BAHCC1: variants seen among roughly 807,000 people sequenced by gnomAD.
BAHCC1 encodes the protein BAH domain and coiled-coil containing 1, also known as BAH and coiled-coil domain-containing protein 1.
BAHCC1 carries 43 observed loss-of-function variants against 88.2 expected under a neutral mutation model. The ratio of observed to expected loss-of-function variants is 0.49; its 90% CI spans 0.38 to 0.63. The LOEUF is 0.63. Ranked by LOEUF, BAHCC1 falls within the 20% of genes least tolerant of loss-of-function variation. BAHCC1 has a pLI of 0.00. For missense variants in BAHCC1, 3,023 were observed against 1,654.8 expected (o/e 1.83, Z -14.34); for synonymous variants, 1,510 against 745.5 (o/e 2.03, Z -16.71).
In BAHCC1 at chr17:81,447,512, G is replaced by A. The variant is rs782392409; in HGVS notation, c.3640G>A (p.Glu1214Lys). 1.3e-6 allele frequency: 1 copy of A among 749,584 alleles called. No homozygotes were observed. Among genetic ancestry groups the A allele is most frequent in the Non-Finnish European group, 2.5e-6 (1 of 403,270 alleles). 46.4% of individuals were successfully genotyped at this position (749,584 alleles called of 1,614,324 possible). A position where few individuals can be genotyped will look rare whatever the true frequency, so the allele number is the denominator to read the frequency against. Residue 1214 changes from glutamate to lysine, a missense_variant, in exon 11 of 28, where the codon GAG (glutamate) becomes AAG (lysine). Transcript: ENST00000675386. Reference protein sequence around the residue: ...EQRAGSPGALEDEGEQPAPEE... With the variant: ...EQRAGSPGALKDEGEQPAPEE... ...GCGAGCAGGGAGTCCGGGTGCCCTT[G>A]AGGACGAGGGGGAGCAGCCGGCCCC...
rs782340923 is a variant in BAHCC1, at chr17:81,461,159, G to A, written c.6496G>A (p.Ala2166Thr). ...DSFSSLASSY[A>T]PFVGGTGPGL... ...CTTCAGCAGCCTGGCCAGCTCCTAC[G>A]CGCCCTTCGTCGGGGGGACCGGGCC... Residue 2166 changes from alanine (A) to threonine (T), a missense_variant, in exon 26 of 28, where the codon GCG becomes ACG. Transcript: ENST00000675386. The A allele has an allele frequency of 9.6e-5, 73 of 758,370 alleles. No individual in the cohort carries two copies. Among genetic ancestry groups the A allele is most frequent in the South Asian group, 6.0e-4 (44 of 72,956 alleles). 47.0% of individuals were successfully genotyped at this position (758,370 alleles called of 1,614,324 possible).
intron 2 of BAHCC1, chr17:81,401,236 C>G (rs1555645994): frequency 1.3e-5 from 2 of 152,642 alleles, no homozygotes; most frequent in African/African-American, 2.4e-5. Flanking sequence ...TAACGGGCTT[C>G]CAGCATTTGC....
chr17:81,466,116 C>T lies in BAHCC1; in HGVS notation c.*2299C>T, dbSNP rs1555660754. 6.6e-6 allele frequency: 1 copy of T among 152,498 alleles called. No homozygotes were observed. Among genetic ancestry groups the T allele is most frequent in the Non-Finnish European group, 1.5e-5 (1 of 68,044 alleles). 9.4% of individuals were successfully genotyped at this position (152,498 alleles called of 1,614,324 possible). On this transcript the variant is annotated 3_prime_UTR_variant, in exon 28 of 28. Coordinates refer to ENST00000675386, the MANE Select transcript of BAHCC1 (RefSeq NM_001377448.1). ...TGCGTGCGAATGGTGCGGCCCCTCCCCTCTCACCGTGGTTAACGTGACGAA... is the reference window on the plus strand; with the variant it reads ...TGCGTGCGAATGGTGCGGCCCCTCCTCTCTCACCGTGGTTAACGTGACGAA...
At position 81,411,498 on chromosome 17, in the gene BAHCC1, GCCTGCCTGCCTGCCTGCCTTCCTT is replaced by G. The variant is rs1462140718; in HGVS notation, c.178+11585_178+11608del. On this transcript the variant is annotated intron_variant, in intron 2 of 27. Coordinates refer to ENST00000675386, the MANE Select transcript of BAHCC1 (RefSeq NM_001377448.1). This position sits in a 1 kb window ranked among gnomAD's most constrained non-coding sequence, Gnocchi z 6.2. ...CCCCTGCCTGCCTGCCTGCCTGCCT[GCCTGCCTGCCTGCCTGCCTTCCTT>G]CCTTCCTTCCTTCCTTCCTTCCTTC... 2.6e-5 allele frequency: 8 copies of G among 310,742 alleles called. No homozygotes were observed. Among genetic ancestry groups the G allele is most frequent in the African/African-American group, 1.8e-4 (5 of 27,724 alleles). 19.2% of individuals were successfully genotyped at this position (310,742 alleles called of 1,614,324 possible). A position where few individuals can be genotyped will look rare whatever the true frequency, so the allele number is the denominator to read the frequency against.
chr17:81,446,261 C>T (rs1433587494), intron 10 of BAHCC1, among the ~76,000 whole-genome samples: 1 of 152,236 alleles, frequency 6.6e-6, no homozygotes, highest in East Asian at 1.9e-4. Flanking sequence ...AGGGTTTTTC[C>T]GTTTTTTTCC....
chr17:81,413,642 A>G (rs1555648191), intron 2 of BAHCC1, among the ~76,000 whole-genome samples: 1 of 152,182 alleles, frequency 6.6e-6, no homozygotes, highest in African/African-American at 2.4e-5. Context: ...CGAAGCAGCC[A>G]CAAGGCCGCG....
At chr17:81,446,526 C>CTTTTTTTTTT (rs869297780) in intron 10 of BAHCC1, among the ~76,000 whole-genome samples, 2 of 49,224 alleles carry the variant, frequency 4.1e-5, no homozygotes, top group African/African-American at 8.9e-5. Context: ...CTGCTCACAC[C>CTTTTTTTTTT]TTTTTTTTTT....
chr17:81,444,203 G>A, intron 6 of BAHCC1, 178 bp from the exon 7 acceptor site: 1 of 606,964 alleles, frequency 1.6e-6, no homozygotes, highest in Non-Finnish European at 2.9e-6. Context: ...GGTTTTCCCT[G>A]AGCCTCCAGG....
At position 81,452,869 on chromosome 17, in the gene BAHCC1, G is replaced by A. The variant is rs782642570; in HGVS notation, c.4445+18G>A. The A allele has an allele frequency of 1.5e-5, 11 of 724,968 alleles. No homozygotes were observed. Among genetic ancestry groups the A allele is most frequent in the Admixed American group, 4.0e-5 (2 of 49,408 alleles). 44.9% of individuals were successfully genotyped at this position (724,968 alleles called of 1,614,324 possible). On this transcript the variant is annotated intron_variant, in intron 14 of 27. Transcript: ENST00000675386. ...AAAGTCAAGTGAGTCCTGGGCACTG[G>A]CATGGCAGGGCGCGTGTGGCCGGCC...
At chr17:81,439,991 G>C (rs924138808) in intron 4 of BAHCC1, among the ~76,000 whole-genome samples, 17 of 152,274 alleles carry the variant, frequency 1.1e-4, no homozygotes, top group African/African-American at 4.1e-4. Flanking sequence ...TAAGGCTCAG[G>C]AGGGCCTTGG....
Position 81,462,987 on chromosome 17 carries a change from G to T in BAHCC1, c.7620+11G>T, listed in dbSNP as rs782739693. On this transcript the variant is annotated intron_variant, in intron 27 of 27. Coordinates refer to ENST00000675386, the MANE Select transcript of BAHCC1 (RefSeq NM_001377448.1). ...CAGTGCGACGGCAAGGTGAGGCCCGGACAGGTGTGGGGCCCAGCCCCCCTC... is the reference window on the plus strand; with the variant it reads ...CAGTGCGACGGCAAGGTGAGGCCCGTACAGGTGTGGGGCCCAGCCCCCCTC... 1.2e-5 allele frequency: 9 copies of T among 778,342 alleles called. No individual in the cohort carries two copies. Among genetic ancestry groups the T allele is most frequent in the Non-Finnish European group, 1.7e-5 (7 of 417,376 alleles). 48.2% of individuals were successfully genotyped at this position (778,342 alleles called of 1,614,324 possible). A position where few individuals can be genotyped will look rare whatever the true frequency, so the allele number is the denominator to read the frequency against.
chr17:81,421,866 AGGATGCCT>A (rs1259551525), intron 2 of BAHCC1: 1 of 321,912 alleles, frequency 3.1e-6, no homozygotes, highest in African/African-American at 2.2e-5. Flanking sequence ...CTCAGTACGC[AGGATGCCT>A]GGGCACGGAA....
At chr17:81,419,655 G>T (rs1275213705) in intron 2 of BAHCC1, among the ~76,000 whole-genome samples, 4 of 152,126 alleles carry the variant, frequency 2.6e-5, no homozygotes, top group Admixed American at 1.3e-4. Context: ...GCAGGCGGCG[G>T]GTGCAGCCGC....
chr17:81,454,579 TG>T (rs1370755009), intron 14 of BAHCC1, among the ~76,000 whole-genome samples: 3 of 7,900 alleles, frequency 3.8e-4, no homozygotes, highest in African/African-American at 5.7e-4. Flanking sequence ...CCCCCGCCCC[TG>T]GTGGGACTCC....
chr17:81,419,749 C>G (rs1555649370), intron 2 of BAHCC1, among the ~76,000 whole-genome samples: 1 of 150,658 alleles, frequency 6.6e-6, no homozygotes, highest in African/African-American at 2.4e-5. Flanking sequence ...CTGGGAAGGG[C>G]CTCGCTGCTT....
intron 10 of BAHCC1, 187 bp from the exon 11 acceptor site, chr17:81,446,849 A>T: frequency 3.0e-6 from 2 of 673,418 alleles, no homozygotes; most frequent in African/African-American, 3.5e-5. Context: ...TACTGCACCC[A>T]GCCAGGTTGC....
chr17:81,431,943 A>T (rs2064265559), intron 3 of BAHCC1, among the ~76,000 whole-genome samples: 1 of 152,130 alleles, frequency 6.6e-6, no homozygotes, highest in South Asian at 2.1e-4. Context: ...ACACCCAGGC[A>T]CCGCAGGACA....
At chr17:81,406,862 C>G in intron 2 of BAHCC1, 1 of 456,262 alleles carries the variant, frequency 2.2e-6, no homozygotes, top group South Asian at 1.5e-5. Context: ...CGTCCAGCGC[C>G]CAAGCTGGGA....
rs946055195 is a variant in BAHCC1 at position 81,432,462 on chromosome 17, C to T, written c.358+5483C>T. Among the ~76,000 whole-genome samples the T allele has an allele frequency of 1.1e-3, 168 of 152,008 alleles. 1 individual carries two copies. The highest frequency in any genetic ancestry group is 3.4e-3 in the Middle Eastern group (1 of 294). Reference sequence around the variant, plus strand: ...GGTTTTGGGGGTCGTGTGGTTGCTTCTAGCTCCACGCTCCGAGAACTGTCC... The same window carrying T: ...GGTTTTGGGGGTCGTGTGGTTGCTTTTAGCTCCACGCTCCGAGAACTGTCC... On this transcript the variant is annotated intron_variant, in intron 3 of 27. Coordinates refer to ENST00000675386, the MANE Select transcript of BAHCC1 (RefSeq NM_001377448.1).
Sources: gnomAD v4.1 joint callset for allele counts (sites outside exome capture counted in the v4.1 genomes callset) on GRCh38, gnomAD v4.1.1 for gene constraint, Gnocchi (gnomAD v3.1) non-coding constraint, MANE v1.5 for transcripts, NCBI Gene and HGNC (gene_info 2026-07-23, HGNC 2026-07-21) for gene names.